The following N4BP2L1 variants were observed in gnomAD, a reference collection of about 807,000 sequenced individuals.
The protein encoded by N4BP2L1 is NEDD4-binding protein 2-like 1.
A neutral mutation model predicts 21.2 loss-of-function variants in N4BP2L1; 12 were observed. The observed-to-expected ratio is 0.57, with a 90% CI of 0.36 to 0.92. The LOEUF (loss-of-function observed/expected upper bound fraction) is 0.92, where lower values mean the gene tolerates loss of function less well. Ranked by LOEUF, N4BP2L1 falls within the 40% of genes least tolerant of loss-of-function variation. The probability of loss-of-function intolerance (pLI) is 0.01; values close to 1 mark genes in which losing one functional copy is unlikely to be tolerated. For synonymous variants in N4BP2L1, 104 were observed against 112.8 expected (o/e 0.92, Z 0.49); for missense variants, 259 against 310.6 (o/e 0.83, Z 1.25).
chr13:32,421,709 T>A (rs2074487654), intron 1 of N4BP2L1, among the ~76,000 whole-genome samples: 1 of 152,204 alleles, frequency 6.6e-6, no homozygotes, highest in African/African-American at 2.4e-5. Flanking sequence ...CCCAGACTCT[T>A]ACCTTGATAA....
At chr13:32,406,392 A>G (rs1263266066) in intron 3 of N4BP2L1, 1 of 152,172 alleles carries the variant, frequency 6.6e-6, no homozygotes, top group Non-Finnish European at 1.5e-5. Context: ...ATGAGAGCTG[A>G]GTTGTTTTTA....
chr13:32,420,413 T>C (rs2137940813), intron 1 of N4BP2L1: 1 of 152,314 alleles, frequency 6.6e-6, no homozygotes, highest in East Asian at 1.9e-4. Flanking sequence ...CAAAATGTCA[T>C]AGATCAGTTA....
At chr13:32,427,150 T>C (rs992783042) in intron 1 of N4BP2L1, among the ~76,000 whole-genome samples, 7 of 152,228 alleles carry the variant, frequency 4.6e-5, no homozygotes, top group Non-Finnish European at 7.3e-5. Flanking sequence ...GAGGGCCGCT[T>C]ACGCAATTCG....
intron 1 of N4BP2L1, among the ~76,000 whole-genome samples, chr13:32,417,258 G>A (rs1321306403): frequency 3.9e-5 from 6 of 152,170 alleles, no homozygotes; most frequent in Admixed American, 2.0e-4. Context: ...ATCTTTAATT[G>A]TAGTTCCCAT....
intron 1 of N4BP2L1, among the ~76,000 whole-genome samples, chr13:32,418,662 G>A (rs1259831940): frequency 6.6e-6 from 1 of 152,234 alleles, no homozygotes; most frequent in African/African-American, 2.4e-5. Context: ...TGTGAAAGCA[G>A]CCAGGAGTGG....
chr13:32,428,856 C>T (rs568747539), upstream of N4BP2L1, among the ~76,000 whole-genome samples: 1 of 152,310 alleles, frequency 6.6e-6, no homozygotes, highest in Non-Finnish European at 1.5e-5. Context: ...CAGAGTCTAC[C>T]GAAACCATTT....
chr13:32,419,563 C>T lies in N4BP2L1; in HGVS notation c.179+8341G>A, dbSNP rs546322720. ...CTGGGATTACAGGCATAAGCCACTG[C>T]GCCCGGCTGATCTGATGGTTTCATA... On this transcript the variant is annotated intron_variant, in intron 1 of 4. Transcript: ENST00000380130. 9 of 268,360 alleles carry T rather than the reference C, an allele frequency of 3.4e-5. No individual in the cohort carries two copies. In the East Asian group the frequency reaches 5.3e-4, roughly 16 times the overall value. 16.6% of individuals were successfully genotyped at this position (268,360 alleles called of 1,614,324 possible).
At chr13:32,419,239 C>CTTTTTTT (rs34280009) in intron 1 of N4BP2L1, among the ~76,000 whole-genome samples, 3 of 61,306 alleles carry the variant, frequency 4.9e-5, no homozygotes, top group Admixed American at 4.7e-4. Context: ...CAAGATCTGG[C>CTTTTTTT]TTTTTTTTTT....
At chr13:32,409,009 T>C (rs1433733014) in intron 1 of N4BP2L1, among the ~76,000 whole-genome samples, 1 of 152,174 alleles carries the variant, frequency 6.6e-6, no homozygotes, top group East Asian at 1.9e-4. Flanking sequence ...ATGAGGCCAG[T>C]ATGAAAAAAC....
rs1246912268 is a variant in N4BP2L1 at position 32,401,970 on chromosome 13, CTTGA to C, written c.*968_*971del. ...AGAAGACATTCCAGAGTTGTGAGGA[CTTGA>C]TTGTCTTAATGCCACATAAAACATC... is the stretch of plus-strand genomic sequence containing the variant. On this transcript the variant is annotated 3_prime_UTR_variant, in exon 5 of 5. Coordinates refer to ENST00000380130, the MANE Select transcript of N4BP2L1 (RefSeq NM_052818.3). 1.0e-6 allele frequency: 1 copy of C among 985,098 alleles called. No individual in the cohort carries two copies. The highest frequency in any genetic ancestry group is 6.1e-5 in the Admixed American group (1 of 16,262). 61.0% of individuals were successfully genotyped at this position (985,098 alleles called of 1,614,324 possible). A position where few individuals can be genotyped will look rare whatever the true frequency, so the allele number is the denominator to read the frequency against.
chr13:32,406,165 T>A (rs1044357741), intron 3 of N4BP2L1, among the ~76,000 whole-genome samples: 2 of 151,830 alleles, frequency 1.3e-5, no homozygotes, highest in Non-Finnish European at 2.9e-5. Context: ...CGCCTCAGCC[T>A]CCCAAAGTGC....
At chr13:32,420,444 G>A (rs2074407502) in intron 1 of N4BP2L1, 2 of 152,186 alleles carry the variant, frequency 1.3e-5, no homozygotes, top group South Asian at 4.1e-4. Flanking sequence ...AAGAGTAACT[G>A]TACAGGAAAA....
At chr13:32,426,724 A>G (rs1358995484) in intron 1 of N4BP2L1, among the ~76,000 whole-genome samples, 1 of 152,190 alleles carries the variant, frequency 6.6e-6, no homozygotes, top group Admixed American at 6.5e-5. Flanking sequence ...TTTGAGGGAA[A>G]GGGACCACTT....
chr13:32,408,880 G>A (rs1158937726), intron 1 of N4BP2L1, among the ~76,000 whole-genome samples: 3 of 152,162 alleles, frequency 2.0e-5, no homozygotes, highest in African/African-American at 4.8e-5. Context: ...TGAGGCCTTG[G>A]GGCCACAGAT....
intron 1 of N4BP2L1, among the ~76,000 whole-genome samples, chr13:32,426,770 G>A (rs1171492124): frequency 6.6e-6 from 1 of 152,186 alleles, no homozygotes; most frequent in Non-Finnish European, 1.5e-5. Flanking sequence ...CAGACAATGT[G>A]CTTGGCAGGG....
chr13:32,408,725 A>T (rs1311121425), intron 1 of N4BP2L1, among the ~76,000 whole-genome samples: 1 of 152,242 alleles, frequency 6.6e-6, no homozygotes, highest in Non-Finnish European at 1.5e-5. Context: ...GAATAAGAAG[A>T]TATTTAAAAA....
intron 1 of N4BP2L1, among the ~76,000 whole-genome samples, chr13:32,421,596 G>T (rs1228628882): frequency 1.3e-5 from 2 of 152,232 alleles, no homozygotes; most frequent in East Asian, 3.9e-4. Flanking sequence ...ACATCCCAGG[G>T]TTATTGTGAA....
chr13:32,405,107 C>T (rs2073389437), intron 3 of N4BP2L1, among the ~76,000 whole-genome samples: 1 of 152,102 alleles, frequency 6.6e-6, no homozygotes, highest in Non-Finnish European at 1.5e-5. Flanking sequence ...TTGAGATGGG[C>T]GCTTCTCAAC....
In N4BP2L1 at chr13:32,402,313, A is replaced by T; in HGVS notation, c.*629T>A. The T allele has an allele frequency of 1.8e-6, 1 of 566,528 alleles. No homozygotes were observed. The highest frequency in any genetic ancestry group is 2.1e-5 in the African/African-American group (1 of 48,698). The allele number at this position is 566,528 out of a possible 1,614,324, so 35.1% of individuals were successfully genotyped here. A position where few individuals can be genotyped will look rare whatever the true frequency, so the allele number is the denominator to read the frequency against. On this transcript the variant is annotated 3_prime_UTR_variant, in exon 5 of 5. Coordinates refer to ENST00000380130, the MANE Select transcript of N4BP2L1 (RefSeq NM_052818.3). ...TCAGTAGCTCCTGTAGCTATTAAGGATTTGACAGCATTTTTAACAATGATA... is the reference window on the plus strand; with the variant it reads ...TCAGTAGCTCCTGTAGCTATTAAGGTTTTGACAGCATTTTTAACAATGATA...
Sources: gnomAD v4.1 joint callset for allele counts (sites outside exome capture counted in the v4.1 genomes callset) on GRCh38, gnomAD v4.1.1 for gene constraint, MANE v1.5 for transcripts, NCBI Gene and HGNC (gene_info 2026-07-23, HGNC 2026-07-21) for gene names.